The following MCMDC2 variants were observed in gnomAD, a reference collection of about 807,000 sequenced individuals.
The protein encoded by MCMDC2 is minichromosome maintenance domain containing 2.
MCMDC2 carries 54 observed loss-of-function variants against 75.8 expected under a neutral mutation model. The ratio of observed to expected loss-of-function variants is 0.71; its 90% confidence interval spans 0.57 to 0.89. The LOEUF is 0.89. Ranked by LOEUF, MCMDC2 falls within the 40% of genes least tolerant of loss-of-function variation. The probability of loss-of-function intolerance (pLI) is 0.00; values close to 1 mark genes in which losing one functional copy is unlikely to be tolerated. For synonymous variants in MCMDC2, 249 were observed against 274.6 expected, an observed-to-expected ratio of 0.91 and a Z score of 0.92; for missense variants, 656 against 780.4, an observed-to-expected ratio of 0.84 and a Z score of 1.90.
intron 12 of MCMDC2, among the ~76,000 whole-genome samples, chr8:66,900,076 A>G (rs1312745299): frequency 6.6e-6 from 1 of 151,938 alleles, no homozygotes; most frequent in Non-Finnish European, 1.5e-5. Context: ...CAGAGTTTGC[A>G]GTGAGCTGAG....
chr8:66,914,547 G>A (rs757489156), intron 14 of MCMDC2, among the ~76,000 whole-genome samples: 1 of 152,208 alleles, frequency 6.6e-6, no homozygotes, highest in Non-Finnish European at 1.5e-5. Context: ...ATAGTAAGCC[G>A]AGTAAGCATC....
At chr8:66,872,571 T>C (rs1811073172) in intron 1 of MCMDC2, among the ~76,000 whole-genome samples, 1 of 152,148 alleles carries the variant, frequency 6.6e-6, no homozygotes, top group Non-Finnish European at 1.5e-5. Context: ...ACTGCACTCT[T>C]TCTGAAGGAT....
At position 66,877,218 on chromosome 8, in the gene MCMDC2, C is replaced by T. The variant is rs536751327; in HGVS notation, c.286-131C>T. On this transcript the variant is annotated intron_variant, in intron 4 of 14. Transcript: ENST00000422365. ...ATACTTGAATGTTGTTTCTCTAATGCTTAAAATTTTGGTTCCTAAGAACAA... is the reference window on the plus strand; with the variant it reads ...ATACTTGAATGTTGTTTCTCTAATGTTTAAAATTTTGGTTCCTAAGAACAA... 1.4e-4 allele frequency: 71 copies of T among 512,824 alleles called. No homozygotes were observed. The South Asian group carries it at 2.2e-3, about 16-fold the overall frequency. 31.8% of individuals were successfully genotyped at this position (512,824 alleles called of 1,614,324 possible).
chr8:66,925,611 CCCTCCGCGGGTGCGAAGG>C (rs1813697688), downstream of MCMDC2: 1 of 152,322 alleles, frequency 6.6e-6, no homozygotes, highest in Admixed American at 6.5e-5. Flanking sequence ...GCGGCCCCGC[CCCTCCGCGGGTGCGAAGG>C]GGGGCTGAGT....
chr8:66,910,342 C>T (rs1290019343), intron 14 of MCMDC2, among the ~76,000 whole-genome samples: 1 of 152,200 alleles, frequency 6.6e-6, no homozygotes, highest in Non-Finnish European at 1.5e-5. Flanking sequence ...CAGCTTGCAC[C>T]ATCACCTGGA....
At chr8:66,881,666 A>G (rs1227831465) in intron 8 of MCMDC2, among the ~76,000 whole-genome samples, 3 of 152,188 alleles carry the variant, frequency 2.0e-5, no homozygotes, top group African/African-American at 7.2e-5. Context: ...AGCCTGAGTG[A>G]TAGAGACTCC....
rs549874025 is a variant in MCMDC2, at chr8:66,905,269, A to G, written c.1813A>G (p.Lys605Glu). 3 of 1,500,352 alleles carry G rather than the reference A, an allele frequency of 2.0e-6. No individual in the cohort carries two copies. Among genetic ancestry groups the G allele is most frequent in the East Asian group, 5.2e-5 (2 of 38,758 alleles). The allele number at this position is 1,500,352 out of a possible 1,614,324, so 92.9% of individuals were successfully genotyped here. ...CCATGCACGACTGAACTTAAGGAAC[A>G]AAGTGCTTAAAGAAGATGTGCTGAT... is the stretch of plus-strand genomic sequence containing the variant. ...EAHARLNLRNKVLKEDVLIAA... is the reference protein window; with the variant it reads ...EAHARLNLRNEVLKEDVLIAA... The change falls in exon 14 of 15, where the codon AAA becomes GAA. Residue 605 changes from lysine (K) to glutamate (E), a missense_variant. By Grantham distance (56) the Lys-to-Glu change is moderately conservative (BLOSUM62 1). Coordinates refer to ENST00000422365, the MANE Select transcript of MCMDC2 (RefSeq NM_173518.5).
chr8:66,904,948 C>G (rs898378513), intron 13 of MCMDC2, among the ~76,000 whole-genome samples: 1 of 151,906 alleles, frequency 6.6e-6, no homozygotes, highest in Non-Finnish European at 1.5e-5. Context: ...TTAATTTTCC[C>G]AACTGTGTAT....
chr8:66,873,196 A>G (rs1431709180), intron 1 of MCMDC2, among the ~76,000 whole-genome samples: 1 of 152,030 alleles, frequency 6.6e-6, no homozygotes, highest in East Asian at 1.9e-4. Flanking sequence ...TTCTTTACTC[A>G]TTACTGTGGT....
intron 9 of MCMDC2, 85 bp from the exon 10 acceptor site, chr8:66,890,780 T>C: frequency 8.5e-7 from 1 of 1,175,828 alleles, no homozygotes; most frequent in Non-Finnish European, 1.2e-6. Context: ...AGGTGCTCAG[T>C]AAACACAGAA....
intron 14 of MCMDC2, among the ~76,000 whole-genome samples, chr8:66,915,163 A>T (rs913939439): frequency 5.5e-5 from 8 of 145,882 alleles, no homozygotes; most frequent in Admixed American, 2.0e-4. Flanking sequence ...GACCCTAATT[A>T]AAAAAAATAA....
chr8:66,911,771 C>T (rs111816084), intron 14 of MCMDC2, among the ~76,000 whole-genome samples: 3,082 of 151,004 alleles, frequency 0.02, 68 homozygotes, highest in South Asian at 0.044. Flanking sequence ...TGCAGTGAGC[C>T]GAGATTGCAC....
intron 3 of MCMDC2, 33 bp downstream of exon 3, chr8:66,874,489 A>G (rs770978438): frequency 9.3e-6 from 15 of 1,612,162 alleles, no homozygotes; most frequent in East Asian, 8.9e-5. Flanking sequence ...TTTATGCCAC[A>G]TGGAATTTTT....
chr8:66,924,698 G>A (rs747251513), downstream of MCMDC2, among the ~76,000 whole-genome samples: 3 of 151,388 alleles, frequency 2.0e-5, no homozygotes, highest in African/African-American at 4.9e-5. Context: ...GTTGCTGACC[G>A]GTTTCTTCTG....
At position 66,870,796 on chromosome 8, in the gene MCMDC2, G is replaced by A. The variant is rs1810973751; in HGVS notation, c.-124G>A. On this transcript the variant is annotated 5_prime_UTR_variant, in exon 1 of 15. Transcript: ENST00000422365. ...AGGACTCCGCTCCGCCTACGCTGCA[G>A]GCGGAGAGCAACCGCCAAGCTTGGT... The A allele has an allele frequency of 6.6e-6, 1 of 152,256 alleles. No homozygotes were observed. Among genetic ancestry groups the A allele is most frequent in the African/African-American group, 2.4e-5 (1 of 41,466 alleles). The allele number at this position is 152,256 out of a possible 1,614,324, so 9.4% of individuals were successfully genotyped here.
chr8:66,912,841 G>A (rs1813168473), intron 14 of MCMDC2, among the ~76,000 whole-genome samples: 1 of 151,972 alleles, frequency 6.6e-6, no homozygotes, highest in Non-Finnish European at 1.5e-5. Context: ...TAGGTGACGG[G>A]TTGATGGGTG....
rs1471136495 is a variant in MCMDC2, at chr8:66,874,294, A to C, written c.95-32A>C. ...TTCAAATAAACTCCTACACATAGCT[A>C]TCCTGACTTTTACATTTGTATATTT... On this transcript the variant is annotated intron_variant, in intron 2 of 14. Coordinates refer to ENST00000422365, the MANE Select transcript of MCMDC2 (RefSeq NM_173518.5). 6.2e-6 allele frequency: 10 copies of C among 1,607,932 alleles called. No individual in the cohort carries two copies. In the African/African-American group the frequency reaches 1.1e-4, roughly 17 times the overall value.
At chr8:66,893,065 T>C (rs13261530) in intron 10 of MCMDC2, among the ~76,000 whole-genome samples, 1 of 152,156 alleles carries the variant, frequency 6.6e-6, no homozygotes, top group Admixed American at 6.5e-5. Context: ...TGTATTAGAG[T>C]AATACTGGTT....
intron 12 of MCMDC2, among the ~76,000 whole-genome samples, chr8:66,900,609 G>A (rs564322270): frequency 3.9e-5 from 6 of 152,042 alleles, no homozygotes; most frequent in East Asian, 3.9e-4. Context: ...TGGAAATTAC[G>A]TCACAGAGAA....
Sources: gnomAD v4.1 joint callset for allele counts (sites outside exome capture counted in the v4.1 genomes callset) on GRCh38, gnomAD v4.1.1 for gene constraint, MANE v1.5 for transcripts, NCBI Gene and HGNC (gene_info 2026-07-23, HGNC 2026-07-21) for gene names.